The following TTC34 variants were observed in gnomAD, a reference collection of about 807,000 sequenced individuals.
TTC34 encodes tetratricopeptide repeat protein 34.
TTC34 carries 44 observed loss-of-function variants against 40.7 expected under a neutral mutation model. That is an observed-to-expected ratio of 1.08 (90% CI 0.85 to 1.39). TTC34 has a LOEUF of 1.39. Ranked by LOEUF, TTC34 falls within the 40% of genes most tolerant of loss-of-function variation. The pLI is 0.00. For missense variants in TTC34, 884 were observed against 838.0 expected (o/e 1.05, Z -0.68); for synonymous variants, 422 against 398.6 (o/e 1.06, Z -0.70).
intron 7 of TTC34, among the ~76,000 whole-genome samples, chr1:2,644,883 G>A (rs1381680243): frequency 6.6e-6 from 1 of 152,198 alleles, no homozygotes; most frequent in Non-Finnish European, 1.5e-5. Flanking sequence ...ATCACCAGGG[G>A]GATGTGGAAA....
intron 6 of TTC34, among the ~76,000 whole-genome samples, chr1:2,695,858 CT>C (rs1640840760): frequency 6.7e-6 from 1 of 149,634 alleles, no homozygotes; most frequent in Non-Finnish European, 1.5e-5. Context: ...ATCCGACAGC[CT>C]GGAGCAGAAC....
At chr1:2,773,005 G>A (rs1345630335) in intron 6 of TTC34, among the ~76,000 whole-genome samples, 4 of 104,794 alleles carry the variant, frequency 3.8e-5, no homozygotes, top group South Asian at 3.3e-4. Context: ...ACAGCCTGGA[G>A]CAGCACCCAC....
exon 9 of TTC34, chr1:2,641,279 T>C (rs1638896128): frequency 2.9e-6 from 4 of 1,392,766 alleles, no homozygotes; most frequent in Non-Finnish European, 3.8e-6. Flanking sequence ...CTCCCCGATT[T>C]AGGGAGCTGG....
intron 3 of TTC34, among the ~76,000 whole-genome samples, chr1:2,788,270 G>A (rs115378067): frequency 3.3e-5 from 5 of 151,502 alleles, no homozygotes; most frequent in East Asian, 1.9e-4. Context: ...TTTTGTGTGC[G>A]TTATGTACAT....
intron 6 of TTC34, among the ~76,000 whole-genome samples, chr1:2,750,421 G>T (rs1438132454): frequency 2.6e-5 from 3 of 113,348 alleles, no homozygotes; most frequent in Non-Finnish European, 5.2e-5. Flanking sequence ...GTGCGCACGT[G>T]ACAGCCTGTA....
Position 2,751,756 on chromosome 1 carries a change from C to G in TTC34, c.2226+31853G>C, listed in dbSNP as rs1641327968. 3.3e-5 allele frequency among the ~76,000 whole-genome samples: 5 copies of G among 149,284 alleles called. 1 individual carries two copies. Among genetic ancestry groups the G allele is most frequent in the Admixed American group, 2.7e-4 (4 of 14,978 alleles). Reference sequence around the variant, plus strand: ...CAGGTGAGCATCTGACATCGTAGAGCAGCACCCCACACCCACAGGTGAGCA... The same window carrying G: ...CAGGTGAGCATCTGACATCGTAGAGGAGCACCCCACACCCACAGGTGAGCA... On this transcript the variant is annotated intron_variant, in intron 6 of 8. Coordinates refer to ENST00000401095, the Ensembl canonical transcript of TTC34.
exon 9 of TTC34, chr1:2,637,790 T>C (rs574487283): frequency 6.6e-6 from 1 of 152,242 alleles, no homozygotes; most frequent in South Asian, 2.1e-4. Flanking sequence ...GAGTCCCTTG[T>C]TCCTGAGAGC....
intron 6 of TTC34, chr1:2,776,561 A>C (rs1395753064): frequency 9.3e-5 from 2 of 21,410 alleles, no homozygotes; most frequent in African/African-American, 4.1e-4. Flanking sequence ...ACAGCACCCC[A>C]CACCCCAGGC....
intron 6 of TTC34, among the ~76,000 whole-genome samples, chr1:2,653,973 C>G (rs900463834): frequency 8.7e-4 from 116 of 133,704 alleles, no homozygotes; most frequent in South Asian, 3.5e-3. Flanking sequence ...CCCACAACCA[C>G]AGGTGAGCAT....
At chr1:2,698,828 A>G (rs1013505854) in intron 6 of TTC34, among the ~76,000 whole-genome samples, 7 of 147,930 alleles carry the variant, frequency 4.7e-5, no homozygotes, top group Non-Finnish European at 9.0e-5. Context: ...AGCATCTCAC[A>G]GCCTGCAACA....
At position 2,699,223 on chromosome 1, in the gene TTC34, A is replaced by C. The variant is rs372956222; in HGVS notation, c.2227-53660T>G. ...GCAGCACCCACACCCCCAGGTGAGC[A>C]TCTGACCGCCCGGAGCAGCACCCAT... On this transcript the variant is annotated intron_variant, in intron 6 of 8. Transcript: ENST00000401095. 5.1e-4 allele frequency among the ~76,000 whole-genome samples: 77 copies of C among 149,928 alleles called. 4 individuals are homozygous for C. Among genetic ancestry groups the C allele is most frequent in the East Asian group, 3.4e-3 (17 of 5,044 alleles).
intron 6 of TTC34, among the ~76,000 whole-genome samples, chr1:2,752,202 A>G (rs1421595703): frequency 2.7e-4 from 29 of 105,530 alleles, no homozygotes; most frequent in African/African-American, 8.0e-4. Context: ...CTGGAACAGA[A>G]CCCACACCCC....
rs1226858611 is a variant in TTC34 at position 2,755,720 on chromosome 1, G to T, written c.2226+27889C>A. ...ACCCCAAACCCACAGGTGAGCATCC[G>T]ACAGCCTGGAGCAGCACCCACACAC... On this transcript the variant is annotated intron_variant, in intron 6 of 8. Coordinates refer to ENST00000401095, the Ensembl canonical transcript of TTC34. 4.9e-3 allele frequency among the ~76,000 whole-genome samples: 179 copies of T among 36,706 alleles called. 13 individuals carry two copies. Among genetic ancestry groups the T allele is most frequent in the African/African-American group, 0.02 (172 of 8,576 alleles). 24.1% of individuals were successfully genotyped at this position (36,706 alleles called of 152,430 possible).
At position 2,800,906 on chromosome 1, in the gene TTC34, G is replaced by T. The variant is rs551593819; in HGVS notation, c.-41-38C>A. 1.3e-4 allele frequency: 50 copies of T among 398,558 alleles called. 1 individual carries two copies. The South Asian group carries it at 5.9e-3, about 47-fold the overall frequency. 24.7% of individuals were successfully genotyped at this position (398,558 alleles called of 1,614,324 possible). On this transcript the variant is annotated intron_variant, in intron 1 of 8. Transcript: ENST00000401095. ...GAGCATGGTGAGTCCACAGAGGGCG[G>T]CCAGTTCTCCTGCCCTGTGGCCACC...
intron 6 of TTC34, among the ~76,000 whole-genome samples, chr1:2,654,149 C>A (rs527591350): frequency 2.4e-3 from 83 of 34,872 alleles, no homozygotes; most frequent in East Asian, 2.8e-3. Flanking sequence ...AGCATCTGAA[C>A]GCACGGAGCA....
intron 6 of TTC34, among the ~76,000 whole-genome samples, chr1:2,684,991 C>T (rs552787685): frequency 1.5e-5 from 2 of 133,970 alleles, no homozygotes; most frequent in South Asian, 2.3e-4. Context: ...TAGAACAGCA[C>T]CCATACCCCC....
intron 6 of TTC34, among the ~76,000 whole-genome samples, chr1:2,688,127 C>T (rs1170329206): frequency 2.1e-3 from 273 of 127,696 alleles, no homozygotes; most frequent in South Asian, 4.3e-3. Flanking sequence ...AGCACCCACA[C>T]CCCCAGGCGA....
intron 8 of TTC34, among the ~76,000 whole-genome samples, chr1:2,642,719 C>G (rs1224662757): frequency 6.6e-6 from 1 of 152,258 alleles, no homozygotes; most frequent in East Asian, 1.9e-4. Context: ...TCTCTTCCAG[C>G]AGCCCGGCGG....
chr1:2,768,054 A>G (rs911770272), intron 6 of TTC34, among the ~76,000 whole-genome samples: 2 of 151,530 alleles, frequency 1.3e-5, no homozygotes, highest in Non-Finnish European at 2.9e-5. Flanking sequence ...ACCCCAGGTG[A>G]TCATTTGCCA....
Sources: allele counts gnomAD v4.1 joint callset (sites outside exome capture counted in the v4.1 genomes callset), GRCh38; gene constraint gnomAD v4.1.1; transcripts MANE v1.5; gene names NCBI Gene and HGNC (gene_info 2026-07-23, HGNC 2026-07-21).